SC5D: variants seen among roughly 807,000 people sequenced by gnomAD.
The protein encoded by SC5D is sterol-C5-desaturase, also known as lathosterol oxidase.
A neutral mutation model predicts 23.9 loss-of-function variants in SC5D; 21 were observed. The ratio of observed to expected loss-of-function variants is 0.88; its 90% CI spans 0.62 to 1.26. SC5D has a LOEUF of 1.26. Among genes scored for constraint, SC5D ranks in the 50% most tolerant of loss-of-function variants. The pLI is 0.00. For synonymous variants in SC5D, 113 were observed against 125.9 expected (o/e 0.90, Z 0.68); for missense variants, 309 against 364.8 (o/e 0.85, Z 1.25).
intron 1 of SC5D, among the ~76,000 whole-genome samples, chr11:121,299,057 A>G (rs1301982095): frequency 6.6e-6 from 1 of 152,254 alleles, no homozygotes; most frequent in Non-Finnish European, 1.5e-5. Context: ...ACTTGGGCTC[A>G]GAGGCCTGAC....
In SC5D at chr11:121,312,659, T is replaced by G. The variant is rs1185789783; in HGVS notation, c.*5147T>G. 1.3e-5 allele frequency among the ~76,000 whole-genome samples: 2 copies of G among 152,152 alleles called. No homozygotes were observed. The highest frequency in any genetic ancestry group is 2.9e-5 in the Non-Finnish European group (2 of 68,002). On this transcript the variant is annotated 3_prime_UTR_variant, in exon 5 of 5. Coordinates refer to ENST00000264027, the MANE Select transcript of SC5D (RefSeq NM_006918.5). ...TTATTCATTTCTTGAATAATTTTGT[T>G]ATATCTTCCTCTTTTAGGCTGCAAT... is the stretch of plus-strand genomic sequence containing the variant.
chr11:121,301,604 A>G (rs901348501), intron 1 of SC5D, among the ~76,000 whole-genome samples: 1 of 152,176 alleles, frequency 6.6e-6, no homozygotes, highest in South Asian at 2.1e-4. Context: ...AAAACTTTAC[A>G]CATCCTAGAA....
Position 121,312,906 on chromosome 11 carries a change from G to A in SC5D, c.*5394G>A, listed in dbSNP as rs1403421501. 3.9e-5 allele frequency among the ~76,000 whole-genome samples: 6 copies of A among 152,094 alleles called. No individual in the cohort carries two copies. The highest frequency in any genetic ancestry group is 7.2e-5 in the African/African-American group (3 of 41,430). ...AAATATTAAGACAGACACTGGTGTG[G>A]TGACTTTTGTCTGTCGCTTCATTGG... On this transcript the variant is annotated 3_prime_UTR_variant, in exon 5 of 5. Transcript: ENST00000264027.
rs1222778711 is a variant in SC5D, at chr11:121,306,496, T to C, written c.444+10T>C. 1 of 1,265,188 alleles carries C rather than the reference T, an allele frequency of 7.9e-7. No homozygotes were observed. Among genetic ancestry groups the C allele is most frequent in the Admixed American group, 1.7e-5 (1 of 59,588 alleles). The allele number at this position is 1,265,188 out of a possible 1,614,324, so 78.4% of individuals were successfully genotyped here. On this transcript the variant is annotated intron_variant, in intron 4 of 4. Coordinates refer to ENST00000264027, the MANE Select transcript of SC5D (RefSeq NM_006918.5). Reference sequence around the variant, plus strand: ...TAGACTGGTATATAAGGTAAAGTCATTTGTGGTGAAAAGAGAAAAAAGGTT... The same window carrying C: ...TAGACTGGTATATAAGGTAAAGTCACTTGTGGTGAAAAGAGAAAAAAGGTT...
rs567070457 is a variant in SC5D at position 121,298,078 on chromosome 11, C to T, written c.-11+5262C>T. ...AGTTCAGTGGCACGAATATGGCTCA[C>T]GGTAGCCTTGAACTCCTTAAGCAAT... On this transcript the variant is annotated intron_variant, in intron 1 of 4. Transcript: ENST00000264027. Among the ~76,000 whole-genome samples, 30 of 152,208 alleles carry T rather than the reference C, an allele frequency of 2.0e-4. 1 individual carries two copies. Among genetic ancestry groups the T allele is most frequent in the African/African-American group, 6.0e-4 (25 of 41,528 alleles).
At chr11:121,293,996 T>C (rs1249574581) in intron 1 of SC5D, among the ~76,000 whole-genome samples, 1 of 152,238 alleles carries the variant, frequency 6.6e-6, no homozygotes, top group East Asian at 1.9e-4. Context: ...TAGAAGTACC[T>C]ATCTCATAGA....
chr11:121,295,814 T>G (rs1487383058), intron 1 of SC5D, among the ~76,000 whole-genome samples: 3 of 152,174 alleles, frequency 2.0e-5, no homozygotes, highest in Non-Finnish European at 4.4e-5. Flanking sequence ...CACCATCTAC[T>G]TAGACCAGCT....
rs1218940909 is a variant in SC5D at position 121,307,128 on chromosome 11, T to C, written c.516T>C (p.Asp172=). 15 of 1,614,080 alleles carry C rather than the reference T, an allele frequency of 9.3e-6. No individual in the cohort carries two copies. The highest frequency in any genetic ancestry group is 1.6e-4 in the Middle Eastern group (1 of 6,084). Residue 172 remains aspartate, a synonymous_variant, in exon 5 of 5, where the codon GAT becomes GAC. Transcript: ENST00000264027. Reference sequence around the variant, plus strand: ...CAAGTCATGCTTTTCACCCTATTGATGGCTTTCTTCAGAGTCTACCTTACC... The same window carrying C: ...CAAGTCATGCTTTTCACCCTATTGACGGCTTTCTTCAGAGTCTACCTTACC... ...PFASHAFHPI[D]GFLQSLPYHI...
intron 1 of SC5D, among the ~76,000 whole-genome samples, chr11:121,296,598 A>G (rs1477191513): frequency 7.9e-5 from 12 of 152,198 alleles, no homozygotes; most frequent in Admixed American, 1.3e-4. Flanking sequence ...GAATTTGCAT[A>G]TATATCTGTA....
In SC5D at chr11:121,307,331, A is replaced by G; in HGVS notation, c.719A>G (p.Tyr240Cys). The part of the protein sequence containing the change: ...TDHHMFFDYN[Y>C]GQYFTLWDRI... ...CACCATATGTTCTTTGACTATAATT[A>G]TGGACAATATTTCACTTTGTGGGAT... is the stretch of plus-strand genomic sequence containing the variant. The change falls in exon 5 of 5, where the codon TAT becomes TGT. Residue 240 changes from tyrosine (Y) to cysteine (C), a missense_variant. Physicochemically the swap from Tyr to Cys is radical, Grantham distance 194 (BLOSUM62 -2). Coordinates refer to ENST00000264027, the MANE Select transcript of SC5D (RefSeq NM_006918.5). The G allele has an allele frequency of 1.9e-6, 3 of 1,614,136 alleles. No individual in the cohort carries two copies. Among genetic ancestry groups the G allele is most frequent in the Non-Finnish European group, 2.5e-6 (3 of 1,180,008 alleles).
At chr11:121,298,156 G>C (rs1403899707) in intron 1 of SC5D, among the ~76,000 whole-genome samples, 1 of 151,230 alleles carries the variant, frequency 6.6e-6, no homozygotes, top group Admixed American at 6.6e-5. Context: ...TGTGCACCAC[G>C]CCCGGCTAAT....
At position 121,301,422 on chromosome 11, in the gene SC5D, G is replaced by A. The variant is rs552059699; in HGVS notation, c.-10-1944G>A. ...AACAGAGCACAGAACTGGAAGATAG[G>A]TCAATTGAGATTAAACAGCTGGGAA... is the stretch of plus-strand genomic sequence containing the variant. On this transcript the variant is annotated intron_variant, in intron 1 of 4. Coordinates refer to ENST00000264027, the MANE Select transcript of SC5D (RefSeq NM_006918.5). 4.0e-5 allele frequency among the ~76,000 whole-genome samples: 6 copies of A among 151,860 alleles called. No homozygotes were observed. The South Asian group carries it at 1.2e-3, about 32-fold the overall frequency.
chr11:121,306,824 A>AATT (rs1454049860), intron 4 of SC5D: 17 of 631,152 alleles, frequency 2.7e-5, no homozygotes, highest in Non-Finnish European at 3.4e-5. Flanking sequence ...AGGTACACTA[A>AATT]AAGCCAGACT....
rs1948020837 is a variant in SC5D at position 121,312,765 on chromosome 11, T to A, written c.*5253T>A. Among the ~76,000 whole-genome samples the A allele has an allele frequency of 6.6e-6, 1 of 151,936 alleles. No individual in the cohort carries two copies. The highest frequency in any genetic ancestry group is 2.4e-5 in the African/African-American group (1 of 41,398). On this transcript the variant is annotated 3_prime_UTR_variant, in exon 5 of 5. Coordinates refer to ENST00000264027, the MANE Select transcript of SC5D (RefSeq NM_006918.5). ...CTAAAAATAAAAAAGTATATATATA[T>A]AAAAATATCTTCCTCTATTATAATT... is the stretch of plus-strand genomic sequence containing the variant.
Position 121,303,438 on chromosome 11 carries a change from A to G in SC5D, c.63A>G (p.Thr21=), listed in dbSNP as rs780727391. 1.1e-5 allele frequency: 17 copies of G among 1,614,024 alleles called. No homozygotes were observed. In the East Asian group the frequency reaches 2.9e-4, roughly 28 times the overall value. The change falls in exon 2 of 5, where the codon ACA becomes ACG. Residue 21 remains threonine (T), a synonymous_variant. Coordinates refer to ENST00000264027, the MANE Select transcript of SC5D (RefSeq NM_006918.5). ...TTACACCATACGTGTATCCAGCCAC[A>G]TGGCCAGAAGATGACATCTTCCGAC... ...YFFTPYVYPA[T]WPEDDIFRQA...
rs1947994155 is a variant in SC5D, at chr11:121,309,572, A to G, written c.*2060A>G. On this transcript the variant is annotated 3_prime_UTR_variant, in exon 5 of 5. Coordinates refer to ENST00000264027, the MANE Select transcript of SC5D (RefSeq NM_006918.5). ...TCAGTGTCTTTAATTCTTAACTCCA[A>G]TATGAATGTTTAAAGCTTCCTCTAG... is the stretch of plus-strand genomic sequence containing the variant. Among the ~76,000 whole-genome samples, 2 of 152,202 alleles carry G rather than the reference A, an allele frequency of 1.3e-5. No homozygotes were observed. The highest frequency in any genetic ancestry group is 2.4e-5 in the African/African-American group (1 of 41,456).
chr11:121,309,332 A>G lies in SC5D; in HGVS notation c.*1820A>G, dbSNP rs993062253. Among the ~76,000 whole-genome samples the G allele has an allele frequency of 1.3e-5, 2 of 152,134 alleles. No individual in the cohort carries two copies. The highest frequency in any genetic ancestry group is 1.3e-4 in the Admixed American group (2 of 15,276). The stretch of plus-strand genomic sequence containing the variant: ...TGGGTCAGGCCTGGAAGTGGTGCAT[A>G]TCTCTTCCGCCCATGTTCCTTTGGA... On this transcript the variant is annotated 3_prime_UTR_variant, in exon 5 of 5. Coordinates refer to ENST00000264027, the MANE Select transcript of SC5D (RefSeq NM_006918.5).
At position 121,295,915 on chromosome 11, in the gene SC5D, A is replaced by T. The variant is rs567166700; in HGVS notation, c.-11+3099A>T. Among the ~76,000 whole-genome samples the T allele has an allele frequency of 3.9e-5, 6 of 152,172 alleles. No homozygotes were observed. The Middle Eastern group carries it at 0.014, about 345-fold the overall frequency. ...CCTGTGGGTGTTTTTACTTGCGCGA[A>T]ATCTCTGCTGGCTAGTCTTAACAGC... On this transcript the variant is annotated intron_variant, in intron 1 of 4. Transcript: ENST00000264027.
chr11:121,307,397 G>T lies in SC5D; in HGVS notation c.785G>T (p.Gly262Val). The T allele has an allele frequency of 6.2e-7, 1 of 1,613,454 alleles. No homozygotes were observed. Among genetic ancestry groups the T allele is most frequent in the Middle Eastern group, 1.6e-4 (1 of 6,062 alleles). ...GSFKNPSSFE[G>V]KGPLSYVKEM... ...TTCAAAAATCCTTCATCCTTTGAGG[G>T]GAAGGGACCGCTCAGTTATGTGAAG... The change falls in exon 5 of 5, where the codon GGG (glycine) becomes GTG (valine). Residue 262 changes from glycine (G) to valine (V), a missense_variant. By Grantham distance (109) the Gly-to-Val change is moderately radical. Coordinates refer to ENST00000264027, the MANE Select transcript of SC5D (RefSeq NM_006918.5).
Sources: gnomAD v4.1 joint callset for allele counts (sites outside exome capture counted in the v4.1 genomes callset) on GRCh38, gnomAD v4.1.1 for gene constraint, MANE v1.5 for transcripts, NCBI Gene and HGNC (gene_info 2026-07-23, HGNC 2026-07-21) for gene names.